Variants in TTC39B observed in about 807,000 individuals in gnomAD.
TTC39B encodes tetratricopeptide repeat protein 39B.
Under a neutral mutation model 96.6 loss-of-function variants are expected in TTC39B, and 92 were observed. The observed-to-expected ratio is 0.95, with a 90% CI of 0.80 to 1.13. The LOEUF is 1.13. TTC39B is among the 50% of genes most tolerant of loss of function. TTC39B has a pLI of 0.00. For missense variants in TTC39B, 955 were observed against 809.3 expected (o/e 1.18, Z -2.18); for synonymous variants, 367 against 299.4 (o/e 1.23, Z -2.33).
chr9:15,254,064 T>A (rs1028282488), intron 2 of TTC39B, among the ~76,000 whole-genome samples: 1 of 152,024 alleles, frequency 6.6e-6, no homozygotes. Context: ...ATCCCCTTTG[T>A]CAAGTCTGTC....
chr9:15,185,322 GGAGTAACGCC>G lies in TTC39B; in HGVS notation c.1562_1571del (p.Arg521ProfsTer8), dbSNP rs778510672. On this transcript the variant is annotated frameshift_variant, in exon 16 of 20. Transcript: ENST00000512701. LOFTEE classifies it high-confidence loss of function. ...GCTTCACAGGTGCAGGTAAGGAGGCGGAGTAACGCCGAGCCTTCCTCACAGCAAACTTCTC... is the reference window on the plus strand; with the variant it reads ...GCTTCACAGGTGCAGGTAAGGAGGCGGAGCCTTCCTCACAGCAAACTTCTC... 3 of 1,613,702 alleles carry G rather than the reference GGAGTAACGCC, an allele frequency of 1.9e-6. No homozygotes were observed. The East Asian group carries it at 6.7e-5, about 36-fold the overall frequency.
chr9:15,203,205 A>G (rs7849997), intron 7 of TTC39B, among the ~76,000 whole-genome samples: 59,820 of 152,028 alleles, frequency 0.39, 12,439 homozygotes, highest in East Asian at 0.66. Flanking sequence ...TTCCACACAG[A>G]TGCATCTTAA....
intron 9 of TTC39B, among the ~76,000 whole-genome samples, chr9:15,191,530 G>T (rs1303915705): frequency 6.6e-6 from 1 of 152,170 alleles, no homozygotes. Flanking sequence ...GTGATGAAGT[G>T]ACAAGAAGGT....
intron 2 of TTC39B, among the ~76,000 whole-genome samples, chr9:15,257,323 T>C (rs916625382): frequency 1.2e-4 from 18 of 152,204 alleles, no homozygotes; most frequent in Non-Finnish European, 5.9e-5. Flanking sequence ...TTCCAAATAA[T>C]CTGGGGATAG....
chr9:15,207,877 G>A (rs1470186761), intron 6 of TTC39B, among the ~76,000 whole-genome samples: 2 of 150,242 alleles, frequency 1.3e-5, no homozygotes, highest in East Asian at 2.0e-4. Context: ...CCAGCTACTC[G>A]GGAGGCTGAG....
intron 5 of TTC39B, 78 bp from the exon 6 acceptor site, chr9:15,210,242 T>C: frequency 1.1e-6 from 1 of 940,950 alleles, no homozygotes; most frequent in Non-Finnish European, 1.7e-6. Flanking sequence ...TTGACGTTCA[T>C]TTCAGTCACT....
At chr9:15,202,704 T>G (rs929462437) in intron 7 of TTC39B, among the ~76,000 whole-genome samples, 6 of 145,076 alleles carry the variant, frequency 4.1e-5, no homozygotes, top group Non-Finnish European at 9.0e-5. Context: ...AGAATGAGGC[T>G]CCAACCACCC....
intron 2 of TTC39B, among the ~76,000 whole-genome samples, chr9:15,243,842 C>A (rs1822155647): frequency 6.6e-6 from 1 of 152,212 alleles, no homozygotes. Flanking sequence ...GAGTTCAAAG[C>A]TGCAGTGGGC....
chr9:15,248,433 C>T (rs60331050), intron 2 of TTC39B, among the ~76,000 whole-genome samples: 1 of 151,914 alleles, frequency 6.6e-6, no homozygotes, highest in African/African-American at 2.4e-5. Flanking sequence ...AAAGTACTTA[C>T]ACTTCTACAG....
intron 8 of TTC39B, among the ~76,000 whole-genome samples, chr9:15,195,227 C>T (rs977833389): frequency 6.6e-6 from 1 of 152,194 alleles, no homozygotes; most frequent in Non-Finnish European, 1.5e-5. Flanking sequence ...AAACCACCCA[C>T]AACACTCCCT....
Position 15,191,271 on chromosome 9 carries a change from A to G in TTC39B, c.931-16T>C, listed in dbSNP as rs1818842856. 1.9e-6 allele frequency: 3 copies of G among 1,580,774 alleles called. No homozygotes were observed. The highest frequency in any genetic ancestry group is 2.6e-6 in the Non-Finnish European group (3 of 1,153,250). On this transcript the variant is annotated splice_polypyrimidine_tract_variant and intron_variant, in intron 9 of 19. Coordinates refer to ENST00000512701, the Ensembl canonical transcript of TTC39B. ...GGGACAGCATCTGTAAGAAAAAAATATACAGTGTACTTATGTGTTAGTGTT... is the reference window on the plus strand; with the variant it reads ...GGGACAGCATCTGTAAGAAAAAAATGTACAGTGTACTTATGTGTTAGTGTT...
At chr9:15,253,382 G>T (rs1361150483) in intron 2 of TTC39B, among the ~76,000 whole-genome samples, 1 of 152,212 alleles carries the variant, frequency 6.6e-6, no homozygotes, top group East Asian at 1.9e-4. Flanking sequence ...ATGTGGCCAA[G>T]AGCCAAAGAA....
At chr9:15,259,649 C>T (rs1271378634) in intron 2 of TTC39B, among the ~76,000 whole-genome samples, 1 of 151,964 alleles carries the variant, frequency 6.6e-6, no homozygotes, top group Non-Finnish European at 1.5e-5. Flanking sequence ...GCAGATGGTC[C>T]CCAACTTAGG....
intron 1 of TTC39B, among the ~76,000 whole-genome samples, chr9:15,280,531 A>T (rs1823720839): frequency 6.6e-6 from 1 of 152,206 alleles, no homozygotes; most frequent in South Asian, 2.1e-4. Context: ...TTCAAGGGAG[A>T]AATAACACTA....
At chr9:15,270,073 G>C (rs1218199023) in intron 1 of TTC39B, among the ~76,000 whole-genome samples, 2 of 151,990 alleles carry the variant, frequency 1.3e-5, no homozygotes, top group Non-Finnish European at 1.5e-5. Flanking sequence ...AGGAGGCTGA[G>C]GCACAAGAAT....
At chr9:15,238,666 C>T (rs569354788) in intron 2 of TTC39B, among the ~76,000 whole-genome samples, 6 of 152,236 alleles carry the variant, frequency 3.9e-5, no homozygotes, top group South Asian at 4.1e-4. Context: ...CCCATGCACA[C>T]GGACTGGAAG....
intron 2 of TTC39B, among the ~76,000 whole-genome samples, chr9:15,251,182 C>T (rs893349002): frequency 4.6e-5 from 7 of 151,892 alleles, no homozygotes; most frequent in Non-Finnish European, 8.8e-5. Context: ...GATGACAGAG[C>T]GAGACTCCAT....
chr9:15,223,984 C>G (rs1820987146), intron 3 of TTC39B, among the ~76,000 whole-genome samples: 1 of 152,184 alleles, frequency 6.6e-6, no homozygotes, highest in African/African-American at 2.4e-5. Flanking sequence ...CTCTTCCTCT[C>G]TTTGACTCCT....
intron 1 of TTC39B, among the ~76,000 whole-genome samples, chr9:15,285,202 G>A (rs1444386132): frequency 6.6e-6 from 1 of 151,662 alleles, no homozygotes; most frequent in Non-Finnish European, 1.5e-5. Context: ...CCGGGAGGCG[G>A]AGTTTGCAGT....
Sources: allele counts gnomAD v4.1 joint callset (sites outside exome capture counted in the v4.1 genomes callset), GRCh38; gene constraint gnomAD v4.1.1; transcripts MANE v1.5; gene names NCBI Gene and HGNC (gene_info 2026-07-23, HGNC 2026-07-21).